CSMD1: variants seen among roughly 807,000 people sequenced by gnomAD.
CSMD1 encodes CUB and Sushi multiple domains 1.
In CSMD1, 213 loss-of-function variants were observed where a neutral mutation model predicts 417.5. That is an observed-to-expected ratio of 0.51 (90% CI 0.46 to 0.57). The LOEUF (loss-of-function observed/expected upper bound fraction) is 0.57. CSMD1 is among the 20% of genes least tolerant of loss of function. CSMD1 has a pLI of 0.00. For missense variants in CSMD1, 6,923 were observed against 4,529.7 expected (o/e 1.53, Z -15.17); for synonymous variants, 2,862 against 1,736.8 (o/e 1.65, Z -16.11).
chr8:3,987,777 G>T (rs574667126), intron 5 of CSMD1, among the ~76,000 whole-genome samples: 2 of 152,168 alleles, frequency 1.3e-5, no homozygotes, highest in African/African-American at 4.8e-5. Flanking sequence ...GCCAAAGCAG[G>T]CTCTGCGCCA....
intron 5 of CSMD1, among the ~76,000 whole-genome samples, chr8:3,888,381 T>C (rs1035199527): frequency 3.9e-5 from 6 of 152,202 alleles, no homozygotes; most frequent in Non-Finnish European, 7.3e-5. Context: ...ACAAGCTTCA[T>C]AGAGAAGCCT....
chr8:3,695,647 T>A (rs1292680684), intron 7 of CSMD1, among the ~76,000 whole-genome samples: 1 of 152,162 alleles, frequency 6.6e-6, no homozygotes, highest in Non-Finnish European at 1.5e-5. Context: ...GAAATTTAGG[T>A]CGAAATATAT....
intron 17 of CSMD1, 104 bp downstream of exon 17, chr8:3,396,090 C>T: frequency 7.4e-6 from 7 of 947,254 alleles, no homozygotes; most frequent in Non-Finnish European, 4.8e-6. Context: ...CAAGCAGGAT[C>T]AGTAAACTAG....
In CSMD1 at chr8:3,188,969, A is replaced by T. The variant is rs1391929619; in HGVS notation, c.5441T>A (p.Leu1814Gln). The part of the protein sequence containing the change: ...GNFTQRRGTI[L>Q]SPGYPEPYGN... ...GTATGGCTCAGGGTAGCCGGGGGACAGGATTGTACCTCTTCGTTGAGTGAA... is the reference window on the plus strand; with the variant it reads ...GTATGGCTCAGGGTAGCCGGGGGACTGGATTGTACCTCTTCGTTGAGTGAA... The change falls in exon 35 of 70, where the codon CTG becomes CAG. Residue 1814 changes from leucine to glutamine, a missense_variant. By Grantham distance (113) the Leu-to-Gln change is moderately radical. Transcript: ENST00000635120. 6.2e-7 allele frequency: 1 copy of T among 1,613,542 alleles called. No individual in the cohort carries two copies.
intron 6 of CSMD1, among the ~76,000 whole-genome samples, chr8:3,728,480 T>C: frequency 6.6e-6 from 1 of 152,126 alleles, no homozygotes; most frequent in Non-Finnish European, 1.5e-5. Flanking sequence ...CGTAACAGAG[T>C]AGCAAATAAT....
At chr8:4,966,251 T>C (rs1360200847) in intron 1 of CSMD1, among the ~76,000 whole-genome samples, 1 of 148,340 alleles carries the variant, frequency 6.7e-6, no homozygotes, top group Non-Finnish European at 1.5e-5. Context: ...TGGTGGCACA[T>C]GCCTGTAATC....
rs192683617 is a variant in CSMD1 at position 4,213,089 on chromosome 8, A to G, written c.416-180990T>C. Among the ~76,000 whole-genome samples, 147 of 152,288 alleles carry G rather than the reference A, an allele frequency of 9.7e-4. 1 individual carries two copies. The South Asian group carries it at 0.013, about 13-fold the overall frequency. On this transcript the variant is annotated intron_variant, in intron 3 of 69. Transcript: ENST00000635120. The stretch of plus-strand genomic sequence containing the variant: ...GAGCTAATGTCTAAGATGGAAGAAT[A>G]TAGATGCTTCACCCAGTGGAGCATG...
chr8:3,178,597 C>G lies in CSMD1; in HGVS notation c.5725+2513G>C, dbSNP rs1016358293. Reference sequence around the variant, plus strand: ...ACAGTGTGGCTAGGACCCAGGAAGGCTAAAAATGCTCTATGCTCTGTTTCT... The same window carrying G: ...ACAGTGTGGCTAGGACCCAGGAAGGGTAAAAATGCTCTATGCTCTGTTTCT... On this transcript the variant is annotated intron_variant, in intron 37 of 69. Transcript: ENST00000635120. Among the ~76,000 whole-genome samples the G allele has an allele frequency of 5.9e-5, 9 of 152,174 alleles. 1 individual carries two copies. Among genetic ancestry groups the G allele is most frequent in the Admixed American group, 2.0e-4 (3 of 15,272 alleles).
chr8:4,434,510 C>T (rs1217647), intron 2 of CSMD1, among the ~76,000 whole-genome samples: 100,940 of 151,990 alleles, frequency 0.66, 33,725 homozygotes, highest in African/African-American at 0.73. Flanking sequence ...GAAAACCCAG[C>T]AAAATTGTCT....
At chr8:4,850,606 C>T (rs1033889964) in intron 1 of CSMD1, among the ~76,000 whole-genome samples, 1 of 151,992 alleles carries the variant, frequency 6.6e-6, no homozygotes, top group African/African-American at 2.4e-5. Context: ...TCTTCCTCAT[C>T]ACTTAGTCTC....
chr8:4,900,344 C>G (rs999344811), intron 1 of CSMD1, among the ~76,000 whole-genome samples: 4 of 152,204 alleles, frequency 2.6e-5, no homozygotes, highest in Non-Finnish European at 5.9e-5. Context: ...CATTTGTCAA[C>G]TTTCATGGCA....
intron 1 of CSMD1, among the ~76,000 whole-genome samples, chr8:4,949,606 A>AT (rs756497261): frequency 3.9e-4 from 60 of 152,280 alleles, no homozygotes; most frequent in Middle Eastern, 3.4e-3. Context: ...TGCCCAGTCA[A>AT]TTGCCCTTCC....
chr8:3,388,583 C>T (rs370990585), intron 17 of CSMD1, among the ~76,000 whole-genome samples: 4 of 152,126 alleles, frequency 2.6e-5, no homozygotes, highest in African/African-American at 9.7e-5. Flanking sequence ...AGGTGATCTT[C>T]GGGATATTGT....
At chr8:4,031,595 T>C (rs559881331) in intron 4 of CSMD1, among the ~76,000 whole-genome samples, 1 of 152,264 alleles carries the variant, frequency 6.6e-6, no homozygotes, top group Non-Finnish European at 1.5e-5. Context: ...TCAGAAGTCA[T>C]AAACTTGCTA....
intron 3 of CSMD1, among the ~76,000 whole-genome samples, chr8:4,358,662 C>G (rs570539333): frequency 2.0e-5 from 3 of 152,272 alleles, no homozygotes; most frequent in African/African-American, 7.2e-5. Context: ...TTAGTGCTAA[C>G]TTGGTATTTT....
At chr8:4,336,386 C>T (rs190473852) in intron 3 of CSMD1, among the ~76,000 whole-genome samples, 330 of 152,252 alleles carry the variant, frequency 2.2e-3, no homozygotes, top group Non-Finnish European at 2.2e-3. Context: ...CCTGACTAGG[C>T]GTGACCCATG....
intron 52 of CSMD1, among the ~76,000 whole-genome samples, chr8:3,005,282 C>A (rs1431680022): frequency 6.6e-6 from 1 of 152,192 alleles, no homozygotes; most frequent in East Asian, 1.9e-4. Flanking sequence ...GTACCATAAG[C>A]TTTGAAAATC....
chr8:3,339,866 G>C (rs1807527718), intron 23 of CSMD1, among the ~76,000 whole-genome samples: 1 of 152,166 alleles, frequency 6.6e-6, no homozygotes, highest in African/African-American at 2.4e-5. Context: ...TTATACACCA[G>C]AAGCATATTA....
intron 49 of CSMD1, among the ~76,000 whole-genome samples, chr8:3,062,246 A>G (rs1812635305): frequency 6.6e-6 from 1 of 152,136 alleles, no homozygotes. Context: ...ACATGTAGCC[A>G]TCATCCAATA....
Sources: gnomAD v4.1 joint callset for allele counts (sites outside exome capture counted in the v4.1 genomes callset) on GRCh38, gnomAD v4.1.1 for gene constraint, MANE v1.5 for transcripts, NCBI Gene and HGNC (gene_info 2026-07-23, HGNC 2026-07-21) for gene names.